The following GUCA1C variants were observed in gnomAD, a reference collection of about 807,000 sequenced individuals.
The protein encoded by GUCA1C is guanylyl cyclase-activating protein 3.
Under a neutral mutation model 16.2 loss-of-function variants are expected in GUCA1C, and 15 were observed. That is an observed-to-expected ratio of 0.93 (90% CI 0.62 to 1.43). GUCA1C has a LOEUF of 1.43. Ranked by LOEUF, GUCA1C falls within the 40% of genes most tolerant of loss-of-function variation. The pLI is 0.00. For missense variants in GUCA1C, 275 were observed against 244.8 expected, an observed-to-expected ratio of 1.12 and a Z score of -0.82; for synonymous variants, 78 against 85.4, an observed-to-expected ratio of 0.91 and a Z score of 0.48.
intron 1 of GUCA1C, among the ~76,000 whole-genome samples, chr3:108,935,347 T>TG (rs780990758): frequency 6.7e-6 from 1 of 149,874 alleles, no homozygotes; most frequent in East Asian, 1.9e-4. Flanking sequence ...AAATGAAAAT[T>TG]GAAAAAAAAA....
intron 2 of GUCA1C, among the ~76,000 whole-genome samples, chr3:108,919,027 C>T (rs926853163): frequency 4.6e-5 from 7 of 152,082 alleles, no homozygotes; most frequent in African/African-American, 1.7e-4. Context: ...AGCCTCTTGA[C>T]GCAGATTACC....
At chr3:108,949,492 C>T (rs1013597564) in intron 1 of GUCA1C, among the ~76,000 whole-genome samples, 4 of 152,168 alleles carry the variant, frequency 2.6e-5, no homozygotes, top group Non-Finnish European at 5.9e-5. Context: ...AGTATTTTTG[C>T]TGCACTCAAT....
intron 1 of GUCA1C, among the ~76,000 whole-genome samples, chr3:108,942,551 A>G (rs894622993): frequency 6.6e-6 from 1 of 152,160 alleles, no homozygotes; most frequent in Non-Finnish European, 1.5e-5. Context: ...CACAACCCTA[A>G]TATTTGAATG....
At chr3:108,942,923 T>C (rs573089255) in intron 1 of GUCA1C, among the ~76,000 whole-genome samples, 50 of 152,304 alleles carry the variant, frequency 3.3e-4, no homozygotes, top group Non-Finnish European at 5.9e-4. Flanking sequence ...GTGAGTTTGC[T>C]CCTGGCAATC....
upstream of GUCA1C, chr3:108,953,884 C>G: frequency 1.5e-6 from 1 of 657,154 alleles, no homozygotes. Flanking sequence ...TACTCTAAAC[C>G]TCTTACAGCA....
At chr3:108,945,279 C>A (rs1396514319) in intron 1 of GUCA1C, among the ~76,000 whole-genome samples, 1 of 152,222 alleles carries the variant, frequency 6.6e-6, no homozygotes, top group Non-Finnish European at 1.5e-5. Flanking sequence ...CCGCACCTGG[C>A]CCTCAAAGGC....
intron 1 of GUCA1C, among the ~76,000 whole-genome samples, chr3:108,939,324 C>CTTTTTTTTTTTTTTTGTT (rs1946761629): frequency 3.0e-5 from 1 of 32,912 alleles, no homozygotes; most frequent in Non-Finnish European, 6.0e-5. Context: ...TGCTTCAAGG[C>CTTTTTTTTTTTTTTTGTT]TTTTTTTTTT....
Position 108,920,574 on chromosome 3 carries a change from A to T in GUCA1C, c.216T>A (p.Val72=), listed in dbSNP as rs1342808078. 6.7e-7 allele frequency: 1 copy of T among 1,500,008 alleles called. No homozygotes were observed. The highest frequency in any genetic ancestry group is 1.7e-5 in the Admixed American group (1 of 59,660). 92.9% of individuals were successfully genotyped at this position (1,500,008 alleles called of 1,614,324 possible). The change falls in exon 2 of 4, where the codon GTT becomes GTA. Residue 72 remains valine, a synonymous_variant. Coordinates refer to ENST00000261047, the MANE Select transcript of GUCA1C (RefSeq NM_005459.4). ...CAGCAGCAATAAACTCCAAAAAGTC[A>T]ACAAATCCATCCTATGGAAAGTAAG... ...NTFDTNKDGF[V]DFLEFIAAVN... is the part of the protein sequence containing the mutation.
intron 1 of GUCA1C, among the ~76,000 whole-genome samples, chr3:108,931,909 C>A (rs1482269275): frequency 1.4e-5 from 2 of 144,424 alleles, no homozygotes; most frequent in Admixed American, 1.4e-4. Flanking sequence ...CGCTCTGTCA[C>A]CCAGGCTGGA....
In GUCA1C at chr3:108,908,243, G is replaced by C. The variant is rs138484118; in HGVS notation, c.443-34C>G. The C allele has an allele frequency of 2.4e-4, 329 of 1,394,860 alleles. No individual in the cohort carries two copies. In the African/African-American group the frequency reaches 3.8e-3, roughly 16 times the overall value. The allele number at this position is 1,394,860 out of a possible 1,614,324, so 86.4% of individuals were successfully genotyped here. On this transcript the variant is annotated intron_variant, in intron 3 of 3. Coordinates refer to ENST00000261047, the MANE Select transcript of GUCA1C (RefSeq NM_005459.4). ...TAATAAACAGTTAATAAGAGGCTTT[G>C]TCTATACCACTCACTGGCACAAATG...
intron 1 of GUCA1C, among the ~76,000 whole-genome samples, chr3:108,921,495 G>C (rs1445547577): frequency 2.0e-5 from 3 of 152,156 alleles, no homozygotes; most frequent in Non-Finnish European, 4.4e-5. Context: ...AGTATGTTTA[G>C]TTTTTAAGAA....
intron 1 of GUCA1C, among the ~76,000 whole-genome samples, chr3:108,946,956 G>C (rs945333503): frequency 7.4e-5 from 11 of 149,176 alleles, no homozygotes; most frequent in African/African-American, 2.7e-4. Context: ...CTGGGTATTA[G>C]ATGATATTAG....
At chr3:108,946,296 T>C (rs1946842941) in intron 1 of GUCA1C, among the ~76,000 whole-genome samples, 1 of 151,444 alleles carries the variant, frequency 6.6e-6, no homozygotes, top group Non-Finnish European at 1.5e-5. Context: ...CCCAGCTACT[T>C]TTTTTGTGCG....
intron 1 of GUCA1C, among the ~76,000 whole-genome samples, chr3:108,948,514 G>T (rs1430637220): frequency 2.0e-5 from 3 of 152,084 alleles, no homozygotes; most frequent in African/African-American, 2.4e-5. Flanking sequence ...CCTCATTTTT[G>T]ATGGAGCACC....
chr3:108,949,824 T>C (rs924463427), intron 1 of GUCA1C, among the ~76,000 whole-genome samples: 7 of 152,364 alleles, frequency 4.6e-5, no homozygotes, highest in Admixed American at 3.3e-4. Context: ...GTGTATTCAA[T>C]GTGAGATGAT....
At chr3:108,953,510 G>T in intron 1 of GUCA1C, 49 bp downstream of exon 1, 15 of 1,195,390 alleles carry the variant, frequency 1.3e-5, no homozygotes, top group Non-Finnish European at 1.7e-5. Context: ...AAAGGGAAGA[G>T]TGCAGAACCA....
At chr3:108,916,257 G>A (rs1004074224) in intron 2 of GUCA1C, 43 bp from the exon 3 acceptor site, 1 of 1,591,254 alleles carries the variant, frequency 6.3e-7, no homozygotes, top group Non-Finnish European at 8.5e-7. Flanking sequence ...TTTTCTGGAA[G>A]CAAATACATT....
At position 108,953,788 on chromosome 3, in the gene GUCA1C, CT is replaced by C; in HGVS notation, c.-27del. 1 of 1,567,274 alleles carries C rather than the reference CT, an allele frequency of 6.4e-7. No individual in the cohort carries two copies. The highest frequency in any genetic ancestry group is 8.8e-7 in the Non-Finnish European group (1 of 1,137,572). ...CTTGACTCACAGTCTACAGCTTTTC[CT>C]CAGGTTGTTTTCACTTAAGTTTTTG... is the stretch of plus-strand genomic sequence containing the variant. On this transcript the variant is annotated 5_prime_UTR_variant, in exon 1 of 4. Coordinates refer to ENST00000261047, the MANE Select transcript of GUCA1C (RefSeq NM_005459.4).
intron 3 of GUCA1C, 147 bp from the exon 4 acceptor site, chr3:108,908,356 C>CAAA (rs540540488): frequency 5.0e-5 from 16 of 318,548 alleles, no homozygotes; most frequent in African/African-American, 2.3e-4. Context: ...TTCATTTAAA[C>CAAA]AAAAAAAAAA....
Sources: allele counts gnomAD v4.1 joint callset (sites outside exome capture counted in the v4.1 genomes callset), GRCh38; gene constraint gnomAD v4.1.1; transcripts MANE v1.5; gene names NCBI Gene and HGNC (gene_info 2026-07-23, HGNC 2026-07-21).